PDE1C: variants seen among roughly 807,000 people sequenced by gnomAD.
PDE1C encodes the protein phosphodiesterase 1C, also known as dual specificity calcium/calmodulin-dependent 3',5'-cyclic nucleotide phosphodiesterase 1C.
PDE1C carries 62 observed loss-of-function variants against 93.1 expected under a neutral mutation model. The ratio of observed to expected loss-of-function variants is 0.67; its 90% confidence interval spans 0.54 to 0.82. The LOEUF (loss-of-function observed/expected upper bound fraction) is 0.82, where lower values mean the gene tolerates loss of function less well. PDE1C is among the 40% of genes least tolerant of loss of function. The pLI, the probability that PDE1C is intolerant of heterozygous loss-of-function variation, is 0.00. For missense variants in PDE1C, 742 were observed against 884.6 expected (o/e 0.84, Z 2.04); for synonymous variants, 325 against 310.1 (o/e 1.05, Z -0.50).
At chr7:31,689,717 C>A in the PDE1C span, among the ~76,000 whole-genome samples, 1 of 152,144 alleles carries the variant, frequency 6.6e-6, no homozygotes, top group African/African-American at 2.4e-5. Flanking sequence ...CTCCAAATGT[C>A]TTTCCCCTCC....
At chr7:32,398,752 G>A (rs900362429) in intron 1 of PDE1C, among the ~76,000 whole-genome samples, 25 of 151,940 alleles carry the variant, frequency 1.6e-4, no homozygotes, top group Admixed American at 1.4e-3. Flanking sequence ...GGAACTTGGG[G>A]GAATAAATGA....
intron 2 of PDE1C, among the ~76,000 whole-genome samples, chr7:31,907,759 A>G (rs928063045): frequency 1.3e-5 from 2 of 152,188 alleles, no homozygotes; most frequent in Non-Finnish European, 2.9e-5. Context: ...TATCTCGTAT[A>G]TGAAGCCATT....
intron 2 of PDE1C, among the ~76,000 whole-genome samples, chr7:31,905,941 G>C (rs1800540136): frequency 6.6e-6 from 1 of 152,134 alleles, no homozygotes; most frequent in Admixed American, 6.6e-5. Flanking sequence ...GCAAGAAGGA[G>C]AATTGGGCAC....
chr7:32,156,184 A>G (rs1393392229), intron 3 of PDE1C, among the ~76,000 whole-genome samples: 2 of 152,042 alleles, frequency 1.3e-5, no homozygotes, highest in Non-Finnish European at 2.9e-5. Context: ...TATTTGTTAC[A>G]TAGGTAAATG....
chr7:31,731,495 A>G, the PDE1C span, among the ~76,000 whole-genome samples: 1 of 152,046 alleles, frequency 6.6e-6, no homozygotes, highest in Admixed American at 6.5e-5. Flanking sequence ...GGTTCAAATG[A>G]TTCTCCTGCC....
At chr7:32,401,277 A>G (rs389704) in intron 1 of PDE1C, among the ~76,000 whole-genome samples, 142,058 of 152,250 alleles carry the variant, frequency 0.93, 66,855 homozygotes, top group East Asian at 1. Flanking sequence ...AGTGGCTTAC[A>G]CCTGTAATCC....
the PDE1C span, among the ~76,000 whole-genome samples, chr7:31,646,742 C>T: frequency 6.6e-6 from 1 of 152,140 alleles, no homozygotes; most frequent in Non-Finnish European, 1.5e-5. Context: ...CCATTATGCT[C>T]AGTAACTGTC....
chr7:31,814,872 G>A (rs1788032268), intron 15 of PDE1C, among the ~76,000 whole-genome samples: 1 of 151,810 alleles, frequency 6.6e-6, no homozygotes, highest in African/African-American at 2.4e-5. Context: ...TGAAAAGGGA[G>A]AAGCACAGCT....
chr7:32,289,128 G>T (rs571062560), intron 1 of PDE1C, among the ~76,000 whole-genome samples: 1 of 152,340 alleles, frequency 6.6e-6, no homozygotes, highest in East Asian at 1.9e-4. Context: ...TCAGAGGCCA[G>T]GCACAGTGGC....
chr7:32,258,275 C>T (rs756844707), intron 1 of PDE1C, among the ~76,000 whole-genome samples: 1 of 152,186 alleles, frequency 6.6e-6, no homozygotes, highest in Non-Finnish European at 1.5e-5. Context: ...AATAATAAAA[C>T]CTACTTCTCG....
intron 1 of PDE1C, among the ~76,000 whole-genome samples, chr7:32,231,958 T>TAC (rs920777957): frequency 3.2e-4 from 18 of 55,860 alleles, no homozygotes; most frequent in African/African-American, 2.0e-3. Context: ...AATATGTGTA[T>TAC]ACACACACAC....
chr7:31,655,855 G>A, the PDE1C span: 2 of 985,374 alleles, frequency 2.0e-6, no homozygotes, highest in African/African-American at 3.5e-5. Context: ...CTCCTTCCCT[G>A]TAACGCCTAC....
intron 2 of PDE1C, among the ~76,000 whole-genome samples, chr7:31,967,573 CAATA>C (rs1810215893): frequency 6.6e-6 from 1 of 152,184 alleles, no homozygotes; most frequent in South Asian, 2.1e-4. Context: ...CTATTCCAAT[CAATA>C]AATAAAGAGG....
At chr7:32,054,114 T>G (rs575969351) in intron 1 of PDE1C, among the ~76,000 whole-genome samples, 1 of 35,570 alleles carries the variant, frequency 2.8e-5, no homozygotes, top group East Asian at 5.9e-4. Flanking sequence ...AATTTATATT[T>G]TAGAAAAGAT....
chr7:32,406,276 T>TA (rs1358315386), intron 1 of PDE1C, among the ~76,000 whole-genome samples: 2 of 152,088 alleles, frequency 1.3e-5, no homozygotes, highest in Non-Finnish European at 2.9e-5. Context: ...CACTGTAATT[T>TA]AAAAAAGAAG....
At chr7:32,386,882 T>A (rs1784636961) in intron 1 of PDE1C, among the ~76,000 whole-genome samples, 1 of 151,262 alleles carries the variant, frequency 6.6e-6, no homozygotes, top group Non-Finnish European at 1.5e-5. Context: ...TTTTTATTTT[T>A]ATTTTTTTTT....
At chr7:31,640,240 G>A in the PDE1C span, among the ~76,000 whole-genome samples, 1 of 152,130 alleles carries the variant, frequency 6.6e-6, no homozygotes, top group Non-Finnish European at 1.5e-5. Flanking sequence ...CTGGCTGGTG[G>A]GCACATTCCC....
intron 9 of PDE1C, among the ~76,000 whole-genome samples, chr7:31,843,318 G>A (rs2128781625): frequency 6.6e-6 from 1 of 151,870 alleles, no homozygotes; most frequent in South Asian, 2.1e-4. Flanking sequence ...CTATGATTGT[G>A]AAAATATATA....
intron 1 of PDE1C, among the ~76,000 whole-genome samples, chr7:32,378,862 C>A (rs117817757): frequency 2.0e-5 from 3 of 152,344 alleles, no homozygotes; most frequent in Non-Finnish European, 4.4e-5. Flanking sequence ...AACTTCATCT[C>A]CTGCATGGCA....
Sources: gnomAD v4.1 joint callset for allele counts (sites outside exome capture counted in the v4.1 genomes callset) on GRCh38, gnomAD v4.1.1 for gene constraint, MANE v1.5 for transcripts, NCBI Gene and HGNC (gene_info 2026-07-23, HGNC 2026-07-21) for gene names.